HMCN1: variants seen among roughly 807,000 people sequenced by gnomAD.
The protein encoded by HMCN1 is hemicentin 1.
HMCN1 carries 321 observed loss-of-function variants against 625.9 expected under a neutral mutation model. The observed-to-expected ratio is 0.51, with a 90% CI of 0.47 to 0.56. The LOEUF is 0.56. Among genes scored for constraint, HMCN1 ranks in the 20% least tolerant of loss-of-function variants. HMCN1 has a pLI of 0.00. For missense variants in HMCN1, 6,588 were observed against 6,887.3 expected (o/e 0.96, Z 1.54); for synonymous variants, 2,425 against 2,417.6 (o/e 1.00, Z -0.09).
intron 11 of HMCN1, among the ~76,000 whole-genome samples, chr1:185,957,722 T>A (rs1032082381): frequency 6.6e-6 from 1 of 152,174 alleles, no homozygotes; most frequent in Non-Finnish European, 1.5e-5. Context: ...TAATAATTTG[T>A]CTTCTATGGT....
intron 11 of HMCN1, among the ~76,000 whole-genome samples, chr1:185,959,542 G>A (rs558039785): frequency 2.3e-4 from 35 of 152,120 alleles, no homozygotes; most frequent in Non-Finnish European, 4.3e-4. Flanking sequence ...TAAATAAAAA[G>A]CAAATTAATA....
intron 2 of HMCN1, among the ~76,000 whole-genome samples, chr1:185,852,577 TACACACACACACACACAC>T (rs67719442): frequency 0.029 from 3,970 of 135,596 alleles, 176 homozygotes; most frequent in African/African-American, 0.093. Context: ...ACAAATATCC[TACACACACACACACACAC>T]ACACACACAC....
intron 1 of HMCN1, among the ~76,000 whole-genome samples, chr1:185,747,809 G>T (rs1654520538): frequency 6.6e-6 from 1 of 152,072 alleles, no homozygotes; most frequent in Non-Finnish European, 1.5e-5. Flanking sequence ...ACACTAATTG[G>T]AGCAATTTTT....
chr1:185,744,312 C>T (rs536479403), intron 1 of HMCN1, among the ~76,000 whole-genome samples: 2 of 152,180 alleles, frequency 1.3e-5, no homozygotes, highest in South Asian at 4.2e-4. Flanking sequence ...TGTTAATCAA[C>T]CTATAGGCAA....
At chr1:186,160,473 T>G (rs533206058) in intron 97 of HMCN1, among the ~76,000 whole-genome samples, 1,762 of 150,722 alleles carry the variant, frequency 0.012, 35 homozygotes, top group African/African-American at 0.04. Context: ...CTTTTGAATG[T>G]GTTTGCTCTT....
Position 185,925,039 on chromosome 1 carries a change from T to A in HMCN1, c.1286-8T>A, listed in dbSNP as rs1172279003. Reference sequence around the variant, plus strand: ...GTTTTTTGTTTTTGTTTTTGTTTTTTTTCCTAGATGCTCCCAAAGTTACGA... The same window carrying A: ...GTTTTTTGTTTTTGTTTTTGTTTTTATTCCTAGATGCTCCCAAAGTTACGA... On this transcript the variant is annotated splice_polypyrimidine_tract_variant and splice_region_variant and intron_variant, in intron 8 of 106. Coordinates refer to ENST00000271588, the MANE Select transcript of HMCN1 (RefSeq NM_031935.3). The A allele has an allele frequency of 2.5e-6, 4 of 1,599,190 alleles. No individual in the cohort carries two copies. Among genetic ancestry groups the A allele is most frequent in the Non-Finnish European group, 3.4e-6 (4 of 1,171,480 alleles).
At chr1:185,927,293 C>T (rs1367075132) in intron 9 of HMCN1, among the ~76,000 whole-genome samples, 1 of 152,130 alleles carries the variant, frequency 6.6e-6, no homozygotes, top group Admixed American at 6.6e-5. Context: ...CAAATTTGTG[C>T]TTAGTATACT....
chr1:185,872,048 C>G (rs1437626599), intron 4 of HMCN1, among the ~76,000 whole-genome samples: 1 of 152,096 alleles, frequency 6.6e-6, no homozygotes, highest in African/African-American at 2.4e-5. Context: ...GTATCAGGGA[C>G]AACTATAATG....
chr1:185,977,394 A>G (rs1405475709), intron 15 of HMCN1, among the ~76,000 whole-genome samples: 1 of 152,170 alleles, frequency 6.6e-6, no homozygotes, highest in African/African-American at 2.4e-5. Context: ...GGAGTAAGTT[A>G]CGGAAAGTGT....
chr1:185,865,422 C>T (rs963599226), intron 3 of HMCN1, among the ~76,000 whole-genome samples: 5 of 152,084 alleles, frequency 3.3e-5, no homozygotes, highest in Admixed American at 2.6e-4. Flanking sequence ...CTGAGTGATA[C>T]AGGGAGGGGT....
rs182651557 is a variant in HMCN1, at chr1:186,176,333, C to T, written c.15943+1691C>T. On this transcript the variant is annotated intron_variant, in intron 103 of 106. Coordinates refer to ENST00000271588, the MANE Select transcript of HMCN1 (RefSeq NM_031935.3). ...TGTAGTTTTGCCAGTATTCCTACCT[C>T]TAAAACTTATAATGGTATGGAAGAT... Among the ~76,000 whole-genome samples the T allele has an allele frequency of 1.1e-3, 169 of 152,278 alleles. 2 individuals carry two copies. The highest frequency in any genetic ancestry group is 5.6e-3 in the East Asian group (29 of 5,194).
At chr1:185,899,224 A>G (rs1007581253) in intron 4 of HMCN1, among the ~76,000 whole-genome samples, 2 of 152,116 alleles carry the variant, frequency 1.3e-5, no homozygotes, top group African/African-American at 4.8e-5. Context: ...CCAAATTTCT[A>G]TCAGTACTAT....
intron 48 of HMCN1, among the ~76,000 whole-genome samples, chr1:186,063,707 C>T (rs901510984): frequency 6.6e-5 from 10 of 151,774 alleles, no homozygotes; most frequent in South Asian, 2.1e-4. Context: ...GAAAGAATGA[C>T]GTTATTTTGT....
chr1:186,049,423 C>T (rs1656800150), intron 42 of HMCN1, among the ~76,000 whole-genome samples: 1 of 150,574 alleles, frequency 6.6e-6, no homozygotes, highest in Non-Finnish European at 1.5e-5. Context: ...TTAAAAAACT[C>T]ATTTATAACT....
intron 13 of HMCN1, among the ~76,000 whole-genome samples, chr1:185,965,546 A>G (rs1049763235): frequency 2.0e-5 from 3 of 151,868 alleles, no homozygotes; most frequent in Admixed American, 6.6e-5. Context: ...AGTTTCCTAA[A>G]TTTTTTGGAG....
At chr1:186,068,587 G>T (rs775970834) in intron 50 of HMCN1, among the ~76,000 whole-genome samples, 21 of 152,102 alleles carry the variant, frequency 1.4e-4, no homozygotes, top group Non-Finnish European at 2.8e-4. Flanking sequence ...AAATGAAGAA[G>T]CTGGGTGCGG....
In HMCN1 at chr1:186,190,809, AT is replaced by A. The variant is rs1242484334; in HGVS notation, c.*936del. On this transcript the variant is annotated 3_prime_UTR_variant, in exon 107 of 107. Coordinates refer to ENST00000271588, the MANE Select transcript of HMCN1 (RefSeq NM_031935.3). ...CTAAGCAATTGCCAAGATGTATTCT[AT>A]TTTTATGAAGTGTATATATATTACC... 1 of 193,434 alleles carries A rather than the reference AT, an allele frequency of 5.2e-6. No homozygotes were observed. The highest frequency in any genetic ancestry group is 1.1e-5 in the Non-Finnish European group (1 of 92,544). 12.0% of individuals were successfully genotyped at this position (193,434 alleles called of 1,614,324 possible).
chr1:186,079,414 A>AT (rs1476393740), intron 55 of HMCN1, among the ~76,000 whole-genome samples: 5 of 152,174 alleles, frequency 3.3e-5, no homozygotes, highest in African/African-American at 1.2e-4. Context: ...AAGCCATGCT[A>AT]TGCCATGCCA....
intron 1 of HMCN1, among the ~76,000 whole-genome samples, chr1:185,736,565 T>G (rs935508211): frequency 6.6e-6 from 1 of 152,208 alleles, no homozygotes; most frequent in Non-Finnish European, 1.5e-5. Context: ...CACGATTTGC[T>G]TTTCACCAAA....
Sources: allele counts gnomAD v4.1 joint callset (sites outside exome capture counted in the v4.1 genomes callset), GRCh38; gene constraint gnomAD v4.1.1; transcripts MANE v1.5; gene names NCBI Gene and HGNC (gene_info 2026-07-23, HGNC 2026-07-21).